CHD1L: variants seen among roughly 807,000 people sequenced by gnomAD.
CHD1L encodes the protein chromodomain helicase DNA binding protein 1 like.
CHD1L carries 118 observed loss-of-function variants against 115.9 expected under a neutral mutation model. The observed-to-expected ratio is 1.02, with a 90% confidence interval of 0.88 to 1.19. The LOEUF (loss-of-function observed/expected upper bound fraction) is 1.19. CHD1L is among the 50% of genes most tolerant of loss of function. CHD1L has a pLI of 0.00. For synonymous variants in CHD1L, 411 were observed against 387.1 expected, an observed-to-expected ratio of 1.06 and a Z score of -0.72; for missense variants, 1,179 against 1,065.3, an observed-to-expected ratio of 1.11 and a Z score of -1.49.
At chr1:147,274,499 C>T (rs1165953779) in intron 12 of CHD1L, among the ~76,000 whole-genome samples, 1 of 152,166 alleles carries the variant, frequency 6.6e-6, no homozygotes, top group Admixed American at 6.5e-5. Flanking sequence ...GTTTATGGAA[C>T]AAGCCCTTTC....
Position 147,291,500 on chromosome 1 carries a change from T to C in CHD1L, c.2339T>C (p.Val780Ala), listed in dbSNP as rs1179017911. The change falls in exon 20 of 23, where the codon GTC becomes GCC. Residue 780 changes from valine (V) to alanine (A), a missense_variant. Transcript: ENST00000369258. Reference protein sequence around the residue: ...GKMKDLSLGGVLLFPVDDKES... With the variant: ...GKMKDLSLGGALLFPVDDKES... Reference sequence around the variant, plus strand: ...ACCTCAGACCTGAGTTTGGGAGGTGTCCTTTTATTTCCTGTTGATGATAAA... The same window carrying C: ...ACCTCAGACCTGAGTTTGGGAGGTGCCCTTTTATTTCCTGTTGATGATAAA... 1 of 1,613,838 alleles carries C rather than the reference T, an allele frequency of 6.2e-7. No homozygotes were observed. Among genetic ancestry groups the C allele is most frequent in the Admixed American group, 1.7e-5 (1 of 59,996 alleles).
At position 147,279,205 on chromosome 1, in the gene CHD1L, G is replaced by C. The variant is rs782785301; in HGVS notation, c.1540-821G>C. Among the ~76,000 whole-genome samples, 6 of 152,276 alleles carry C rather than the reference G, an allele frequency of 3.9e-5. No individual in the cohort carries two copies. In the East Asian group the frequency reaches 1.2e-3, roughly 29 times the overall value. Reference sequence around the variant, plus strand: ...ACATTTCCAAGTTACTCACAAAATAGACGATCTGGAGATAACCCAGTCTAA... The same window carrying C: ...ACATTTCCAAGTTACTCACAAAATACACGATCTGGAGATAACCCAGTCTAA... On this transcript the variant is annotated intron_variant, in intron 14 of 22. Coordinates refer to ENST00000369258, the MANE Select transcript of CHD1L (RefSeq NM_004284.6).
the CHD1L span, among the ~76,000 whole-genome samples, chr1:147,221,649 G>T: frequency 2.0e-5 from 3 of 152,168 alleles, no homozygotes; most frequent in South Asian, 6.2e-4. Flanking sequence ...ATAAATGCAA[G>T]TCTGTATGTG....
intron 9 of CHD1L, 106 bp downstream of exon 9, chr1:147,267,624 T>C (rs1674467428): frequency 1.3e-6 from 1 of 798,790 alleles, no homozygotes; most frequent in Non-Finnish European, 2.0e-6. Context: ...TTGTCTACTT[T>C]GTTTATTCTC....
At chr1:147,209,883 A>T in the CHD1L span, 1 of 152,226 alleles carries the variant, frequency 6.6e-6, no homozygotes, top group Non-Finnish European at 1.5e-5. Context: ...TGTTGGCATT[A>T]TTACAAAAAC....
At chr1:147,276,053 C>G in intron 13 of CHD1L, 51 bp from the exon 14 acceptor site, 1 of 1,573,412 alleles carries the variant, frequency 6.4e-7, no homozygotes, top group Non-Finnish European at 8.7e-7. Context: ...ATACTTTTGC[C>G]CAGCTTTGCA....
rs782505738 is a variant in CHD1L, at chr1:147,293,628, G to A, written c.2412G>A (p.Gln804=). 2 of 1,614,038 alleles carry A rather than the reference G, an allele frequency of 1.2e-6. No homozygotes were observed. Among genetic ancestry groups the A allele is most frequent in the Non-Finnish European group, 1.7e-6 (2 of 1,179,994 alleles). The change falls in exon 21 of 23, where the codon CAG becomes CAA. Residue 804 remains glutamine (Q), a synonymous_variant. Transcript: ENST00000369258. ...GQDLLALIVA[Q]HRDRSNVLSG... Reference sequence around the variant, plus strand: ...TCCAGTTGGCCTTGATTGTGGCTCAGCATCGTGATCGTTCCAATGTCCTGT... The same window carrying A: ...TCCAGTTGGCCTTGATTGTGGCTCAACATCGTGATCGTTCCAATGTCCTGT...
intron 10 of CHD1L, among the ~76,000 whole-genome samples, chr1:147,269,445 C>A (rs1001633291): frequency 1.2e-4 from 18 of 151,930 alleles, no homozygotes; most frequent in African/African-American, 4.3e-4. Flanking sequence ...CTGAGGTGGG[C>A]GGATCATGAG....
At chr1:147,278,222 GTT>G (rs71083825) in intron 14 of CHD1L, among the ~76,000 whole-genome samples, 9 of 91,130 alleles carry the variant, frequency 9.9e-5, no homozygotes, top group African/African-American at 3.6e-4. Flanking sequence ...TGTTTTTTGG[GTT>G]TTTTTTTTTT....
At chr1:147,242,885 T>A in intron 1 of CHD1L, 55 bp downstream of exon 1, 1 of 1,247,198 alleles carries the variant, frequency 8.0e-7, no homozygotes. Context: ...TGGGACTGCC[T>A]CTTGCGGGCC....
At chr1:147,237,580 T>C in the CHD1L span, among the ~76,000 whole-genome samples, 2 of 152,130 alleles carry the variant, frequency 1.3e-5, no homozygotes, top group Non-Finnish European at 2.9e-5. Flanking sequence ...CTGTTCCTGG[T>C]TCCCCCAGCT....
At position 147,286,312 on chromosome 1, in the gene CHD1L, A is replaced by G; in HGVS notation, c.2033A>G (p.Glu678Gly). Residue 678 changes from glutamate (E) to glycine (G), a missense_variant, in exon 18 of 23, where the codon GAA becomes GGA. Glu to Gly is a moderately conservative substitution (Grantham distance 98). Coordinates refer to ENST00000369258, the MANE Select transcript of CHD1L (RefSeq NM_004284.6). ...AEHKKKMAWW[E>G]SNNYQSFCLP... ...GCCTGCTAAAGGATGGCCTGGTGGG[A>G]ATCCAACAATTACCAGTCCTTCTGC... The G allele has an allele frequency of 6.2e-7, 1 of 1,613,992 alleles. No homozygotes were observed. The highest frequency in any genetic ancestry group is 8.5e-7 in the Non-Finnish European group (1 of 1,179,974).
the CHD1L span, among the ~76,000 whole-genome samples, chr1:147,173,736 T>C: frequency 2.6e-5 from 4 of 152,194 alleles, no homozygotes; most frequent in African/African-American, 9.7e-5. Context: ...TGGGAGCCTG[T>C]TAGAAATGCA....
intron 15 of CHD1L, among the ~76,000 whole-genome samples, chr1:147,282,967 G>A (rs587729478): frequency 6.6e-6 from 1 of 152,192 alleles, no homozygotes; most frequent in Non-Finnish European, 1.5e-5. Context: ...GTCTAGGCTT[G>A]TGATGGCAGA....
At chr1:147,179,460 T>C in the CHD1L span, 2 of 1,584,134 alleles carry the variant, frequency 1.3e-6, no homozygotes, top group Admixed American at 1.7e-5. Flanking sequence ...AAGTCAGAGT[T>C]TTCCTACCAT....
chr1:147,184,384 A>T, the CHD1L span: 1 of 1,186,358 alleles, frequency 8.4e-7, no homozygotes, highest in Non-Finnish European at 1.1e-6. This position sits in a 1 kb window ranked among gnomAD's most constrained non-coding sequence, Gnocchi z 4.4. Flanking sequence ...ACCAATATTG[A>T]TACATTATTA....
the CHD1L span, among the ~76,000 whole-genome samples, chr1:147,173,802 AGT>A: frequency 6.6e-6 from 1 of 152,250 alleles, no homozygotes; most frequent in South Asian, 2.1e-4. Context: ...ATCACATTAA[AGT>A]GTGTGAGAAG....
chr1:147,272,403 A>T, intron 12 of CHD1L, 122 bp downstream of exon 12: 1 of 695,612 alleles, frequency 1.4e-6, no homozygotes, highest in South Asian at 1.9e-5. Context: ...ATTGAATGTA[A>T]AACAAGGTAC....
At chr1:147,232,273 G>A in the CHD1L span, among the ~76,000 whole-genome samples, 1 of 152,194 alleles carries the variant, frequency 6.6e-6, no homozygotes, top group Non-Finnish European at 1.5e-5. Flanking sequence ...TAGTCCAAGA[G>A]TCATTTCTAG....
Sources: allele counts gnomAD v4.1 joint callset (sites outside exome capture counted in the v4.1 genomes callset), GRCh38; gene constraint gnomAD v4.1.1; non-coding constraint Gnocchi (gnomAD v3.1); transcripts MANE v1.5; gene names NCBI Gene and HGNC (gene_info 2026-07-23, HGNC 2026-07-21).